CSMD1: variants seen among roughly 807,000 people sequenced by gnomAD.
CSMD1 encodes the protein CUB and Sushi multiple domains 1.
CSMD1 carries 213 observed loss-of-function variants against 417.5 expected under a neutral mutation model. The observed-to-expected ratio is 0.51, with a 90% confidence interval of 0.46 to 0.57. The LOEUF is 0.57. Ranked by LOEUF, CSMD1 falls within the 20% of genes least tolerant of loss-of-function variation. CSMD1 has a pLI of 0.00. For synonymous variants in CSMD1, 2,862 were observed against 1,736.8 expected (o/e 1.65, Z -16.11); for missense variants, 6,923 against 4,529.7 (o/e 1.53, Z -15.17).
At chr8:3,470,207 T>C (rs1437544183) in intron 11 of CSMD1, among the ~76,000 whole-genome samples, 2 of 152,224 alleles carry the variant, frequency 1.3e-5, no homozygotes, top group Non-Finnish European at 2.9e-5. Flanking sequence ...TCATACTATA[T>C]ATAACATTTT....
intron 1 of CSMD1, among the ~76,000 whole-genome samples, chr8:4,688,181 G>C (rs1361799507): frequency 3.3e-5 from 5 of 152,266 alleles, no homozygotes; most frequent in East Asian, 3.9e-4. Context: ...TTTTGTGAGT[G>C]TACGAGAGTC....
chr8:4,555,065 G>C (rs568026728), intron 2 of CSMD1, among the ~76,000 whole-genome samples: 34 of 152,310 alleles, frequency 2.2e-4, no homozygotes, highest in African/African-American at 8.2e-4. Flanking sequence ...ATTCCAAGTA[G>C]GCCATGGCAG....
At chr8:3,832,182 G>C (rs947930375) in intron 5 of CSMD1, among the ~76,000 whole-genome samples, 2 of 152,142 alleles carry the variant, frequency 1.3e-5, no homozygotes, top group African/African-American at 4.8e-5. Flanking sequence ...AACAGCCGTG[G>C]AGGCTGAGTC....
At chr8:3,478,128 C>A (rs1047141956) in intron 11 of CSMD1, among the ~76,000 whole-genome samples, 4 of 152,196 alleles carry the variant, frequency 2.6e-5, no homozygotes, top group African/African-American at 4.8e-5. Context: ...TCAAGTATGG[C>A]AGACTTTATT....
intron 5 of CSMD1, among the ~76,000 whole-genome samples, chr8:3,775,749 T>G (rs1014621422): frequency 9.9e-5 from 15 of 152,212 alleles, no homozygotes; most frequent in African/African-American, 3.6e-4. Flanking sequence ...AACTATAAAC[T>G]TGTTTTACTG....
intron 10 of CSMD1, among the ~76,000 whole-genome samples, chr8:3,574,621 G>A (rs930977193): frequency 6.6e-6 from 1 of 152,032 alleles, no homozygotes; most frequent in Non-Finnish European, 1.5e-5. Flanking sequence ...TAAATACTGT[G>A]GTATTTAAGA....
intron 26 of CSMD1, among the ~76,000 whole-genome samples, chr8:3,244,942 A>G (rs1048258274): frequency 1.3e-5 from 2 of 152,154 alleles, no homozygotes; most frequent in Non-Finnish European, 2.9e-5. Context: ...CTTCGGGAAC[A>G]TGTGATCCTG....
intron 69 of CSMD1, among the ~76,000 whole-genome samples, chr8:2,939,213 C>T (rs910986549): frequency 3.3e-5 from 5 of 152,198 alleles, no homozygotes; most frequent in Admixed American, 2.0e-4. Flanking sequence ...ATAAGTTATA[C>T]GGCCTTGGTT....
At chr8:3,801,227 A>C (rs1181360496) in intron 5 of CSMD1, among the ~76,000 whole-genome samples, 2 of 152,220 alleles carry the variant, frequency 1.3e-5, no homozygotes, top group Admixed American at 6.5e-5. Flanking sequence ...CGGTCTAATA[A>C]CCAGAATATA....
intron 1 of CSMD1, among the ~76,000 whole-genome samples, chr8:4,715,867 T>C (rs758502715): frequency 9.2e-5 from 14 of 152,202 alleles, no homozygotes; most frequent in Non-Finnish European, 2.1e-4. Flanking sequence ...GGGAATTGCC[T>C]CCTAAAGGGT....
intron 3 of CSMD1, among the ~76,000 whole-genome samples, chr8:4,084,292 T>G (rs576022908): frequency 6.6e-6 from 1 of 150,828 alleles, no homozygotes; most frequent in East Asian, 2.0e-4. Context: ...TCTTTCAACT[T>G]TTATGAAAAA....
At chr8:4,991,226 G>C (rs1432208950) in intron 1 of CSMD1, among the ~76,000 whole-genome samples, 1 of 152,180 alleles carries the variant, frequency 6.6e-6, no homozygotes, top group Non-Finnish European at 1.5e-5. Context: ...AGATGAAAAT[G>C]CTTACAGCCT....
At chr8:4,829,842 T>C (rs1450226899) in intron 1 of CSMD1, among the ~76,000 whole-genome samples, 1 of 152,112 alleles carries the variant, frequency 6.6e-6, no homozygotes, top group African/African-American at 2.4e-5. Context: ...CGCTTTACCT[T>C]GGGGACAAGG....
intron 1 of CSMD1, among the ~76,000 whole-genome samples, chr8:4,968,570 G>A (rs1810031031): frequency 6.6e-6 from 1 of 151,796 alleles, no homozygotes; most frequent in Non-Finnish European, 1.5e-5. Flanking sequence ...TTTTTTCCGG[G>A]CCTGAACCAA....
chr8:4,747,246 T>A (rs977425644), intron 1 of CSMD1, among the ~76,000 whole-genome samples: 1 of 152,220 alleles, frequency 6.6e-6, no homozygotes, highest in Non-Finnish European at 1.5e-5. Flanking sequence ...TATTGAGACA[T>A]GCCTTTTTCA....
At position 4,687,079 on chromosome 8, in the gene CSMD1, C is replaced by T. The variant is rs922652078; in HGVS notation, c.86-49521G>A. On this transcript the variant is annotated intron_variant, in intron 1 of 69. Transcript: ENST00000635120. The stretch of plus-strand genomic sequence containing the variant: ...TGAGGCTGAGCTTCAGGCGAGCCGG[C>T]CCCTGTGCAGGCTAACTCTGTGGTC... 7.9e-5 allele frequency among the ~76,000 whole-genome samples: 12 copies of T among 152,320 alleles called. No individual in the cohort carries two copies. In the South Asian group the frequency reaches 2.1e-3, roughly 26 times the overall value.
chr8:3,686,515 C>G (rs1799952940), intron 7 of CSMD1, among the ~76,000 whole-genome samples: 1 of 152,144 alleles, frequency 6.6e-6, no homozygotes, highest in African/African-American at 2.4e-5. Flanking sequence ...GTTACAAGAT[C>G]ATGTCATTCT....
At chr8:3,943,772 C>T (rs184610670) in intron 5 of CSMD1, among the ~76,000 whole-genome samples, 1 of 151,872 alleles carries the variant, frequency 6.6e-6, no homozygotes, top group African/African-American at 2.4e-5. Context: ...TTAAATAAAC[C>T]CAAATTTAGG....
At chr8:2,985,268 C>T (rs1805787245) in intron 54 of CSMD1, among the ~76,000 whole-genome samples, 1 of 152,234 alleles carries the variant, frequency 6.6e-6, no homozygotes, top group African/African-American at 2.4e-5. Context: ...TCACTAGCTT[C>T]TGCCTAGTTC....
Sources: gnomAD v4.1 joint callset for allele counts (sites outside exome capture counted in the v4.1 genomes callset) on GRCh38, gnomAD v4.1.1 for gene constraint, MANE v1.5 for transcripts, NCBI Gene and HGNC (gene_info 2026-07-23, HGNC 2026-07-21) for gene names.